PTPRO: variants seen among roughly 807,000 people sequenced by gnomAD.
The protein encoded by PTPRO is receptor-type tyrosine-protein phosphatase O.
PTPRO carries 62 observed loss-of-function variants against 145.2 expected under a neutral mutation model. The observed-to-expected ratio is 0.43, with a 90% CI of 0.35 to 0.53. The LOEUF is 0.53. PTPRO is among the 20% of genes least tolerant of loss of function. The pLI, the probability that PTPRO is intolerant of heterozygous loss-of-function variation, is 0.01. For synonymous variants in PTPRO, 565 were observed against 514.7 expected, an observed-to-expected ratio of 1.10 and a Z score of -1.32; for missense variants, 1,345 against 1,482.7, an observed-to-expected ratio of 0.91 and a Z score of 1.53.
intron 4 of PTPRO, among the ~76,000 whole-genome samples, chr12:15,500,075 A>ATGGATGGGTGGG (rs1317255622): frequency 5.1e-5 from 1 of 19,580 alleles, no homozygotes; most frequent in Non-Finnish European, 1.4e-4. Context: ...GGATGGATAG[A>ATGGATGGGTGGG]TGGATGGGTG....
chr12:15,497,117 G>A, intron 2 of PTPRO, 128 bp from the exon 3 acceptor site: 1 of 820,684 alleles, frequency 1.2e-6, no homozygotes, highest in Non-Finnish European at 2.1e-6. Context: ...GAGGAGTTTA[G>A]TGCCCACAGA....
At chr12:15,502,155 T>C in intron 5 of PTPRO, 92 bp downstream of exon 5, 2 of 1,234,858 alleles carry the variant, frequency 1.6e-6, no homozygotes, top group Non-Finnish European at 2.3e-6. Context: ...AGACTGATCA[T>C]AGACAGTTAT....
chr12:15,458,847 G>A (rs930606886), intron 1 of PTPRO, among the ~76,000 whole-genome samples: 1 of 151,980 alleles, frequency 6.6e-6, no homozygotes, highest in Admixed American at 6.6e-5. Flanking sequence ...GATTTCTGGA[G>A]ATTAATCTTG....
chr12:15,411,455 T>C (rs1939798240), intron 1 of PTPRO, among the ~76,000 whole-genome samples: 1 of 152,262 alleles, frequency 6.6e-6, no homozygotes, highest in South Asian at 2.1e-4. Context: ...TTCCTGGACA[T>C]ATGCCTTTTG....
chr12:15,453,646 A>G (rs1437999100), intron 1 of PTPRO, among the ~76,000 whole-genome samples: 1 of 152,218 alleles, frequency 6.6e-6, no homozygotes, highest in Non-Finnish European at 1.5e-5. Flanking sequence ...TGTTTTGTTA[A>G]CTATAGGCAC....
At chr12:15,465,391 A>T (rs1941393755) in intron 1 of PTPRO, among the ~76,000 whole-genome samples, 1 of 152,242 alleles carries the variant, frequency 6.6e-6, no homozygotes, top group Admixed American at 6.5e-5. Context: ...ACCTGAACAT[A>T]TTTCTTCTTT....
At chr12:15,564,933 C>T (rs1943859972) in intron 17 of PTPRO, among the ~76,000 whole-genome samples, 1 of 152,132 alleles carries the variant, frequency 6.6e-6, no homozygotes, top group Non-Finnish European at 1.5e-5. Context: ...CCTTAATTAT[C>T]TCCTAAACAA....
intron 1 of PTPRO, among the ~76,000 whole-genome samples, chr12:15,450,993 C>T (rs1941031796): frequency 6.6e-6 from 1 of 152,028 alleles, no homozygotes; most frequent in Admixed American, 6.6e-5. Flanking sequence ...TCAATACTAA[C>T]ATTGAATGTA....
chr12:15,591,304 G>A (rs1591778303), intron 25 of PTPRO, among the ~76,000 whole-genome samples: 1 of 152,056 alleles, frequency 6.6e-6, no homozygotes, highest in Non-Finnish European at 1.5e-5. Flanking sequence ...CCAGGAGACG[G>A]AGGTTGCAAT....
At chr12:15,570,798 A>G (rs1287968080) in intron 19 of PTPRO, among the ~76,000 whole-genome samples, 1 of 152,190 alleles carries the variant, frequency 6.6e-6, no homozygotes. Flanking sequence ...CTACACTTTT[A>G]CCTTATTAAA....
chr12:15,586,801 G>A, intron 23 of PTPRO, 96 bp from the exon 24 acceptor site: 1 of 1,393,946 alleles, frequency 7.2e-7, no homozygotes, highest in East Asian at 2.3e-5. Context: ...AGTGGAACGT[G>A]GCTCTACCTT....
chr12:15,410,885 G>T (rs188313046), intron 1 of PTPRO: 2 of 152,244 alleles, frequency 1.3e-5, no homozygotes, highest in African/African-American at 2.4e-5. Flanking sequence ...TTGGCACATA[G>T]AAATTATATG....
chr12:15,581,693 T>C lies in PTPRO; in HGVS notation c.3147T>C (p.His1049=), dbSNP rs761184175. Residue 1049 remains histidine, a synonymous_variant, in exon 23 of 27, where the codon CAT becomes CAC. Transcript: ENST00000281171. ...CNEKRRVKCD[H]YWPFTEEPIA... ...CCTTGCTCCAGGTGAAATGTGACCA[T>C]TACTGGCCATTCACGGAAGAACCTA... 8 of 1,613,888 alleles carry C rather than the reference T, an allele frequency of 5.0e-6. No individual in the cohort carries two copies.
intron 1 of PTPRO, among the ~76,000 whole-genome samples, chr12:15,324,812 G>GT (rs890667407): frequency 4.9e-4 from 74 of 152,148 alleles, no homozygotes; most frequent in Admixed American, 4.4e-3. Flanking sequence ...GTTGACAAGA[G>GT]TTGTTCAAAA....
In PTPRO at chr12:15,484,590, ATGT is replaced by A. The variant is rs1186680087; in HGVS notation, c.349+344_349+346del. On this transcript the variant is annotated intron_variant, in intron 2 of 26. Transcript: ENST00000281171. ...TAACTTGTTTATTTTTTTCCAGAGC[ATGT>A]ATTCTCATATTAAGCAATTCAGTTT... Among the ~76,000 whole-genome samples, 49 of 152,192 alleles carry A rather than the reference ATGT, an allele frequency of 3.2e-4. No individual in the cohort carries two copies. In the Middle Eastern group the frequency reaches 0.017, roughly 53 times the overall value.
intron 3 of PTPRO, among the ~76,000 whole-genome samples, chr12:15,498,012 G>A (rs190852799): frequency 1.3e-5 from 2 of 151,972 alleles, no homozygotes; most frequent in Admixed American, 1.3e-4. Flanking sequence ...AGGGAAGAGA[G>A]GGCATTCAGT....
intron 19 of PTPRO, among the ~76,000 whole-genome samples, chr12:15,577,820 G>A (rs934625221): frequency 2.6e-5 from 4 of 151,894 alleles, no homozygotes; most frequent in African/African-American, 4.8e-5. Flanking sequence ...AGTGAACACC[G>A]TTCATATAGA....
At chr12:15,511,552 T>TTTTGTTTG (rs780078127) in intron 7 of PTPRO, among the ~76,000 whole-genome samples, 1 of 152,172 alleles carries the variant, frequency 6.6e-6, no homozygotes, top group African/African-American at 2.4e-5. Context: ...AATGGCATAT[T>TTTTGTTTG]TTTGTTTGTT....
At chr12:15,486,060 G>A (rs533951813) in intron 2 of PTPRO, among the ~76,000 whole-genome samples, 5 of 152,130 alleles carry the variant, frequency 3.3e-5, no homozygotes, top group Non-Finnish European at 7.4e-5. Context: ...ACCAGGTCAC[G>A]TTGATTGTTC....
Sources: gnomAD v4.1 joint callset for allele counts (sites outside exome capture counted in the v4.1 genomes callset) on GRCh38, gnomAD v4.1.1 for gene constraint, MANE v1.5 for transcripts, NCBI Gene and HGNC (gene_info 2026-07-23, HGNC 2026-07-21) for gene names.